Variants in CDH13 observed in about 807,000 individuals in gnomAD.
The protein encoded by CDH13 is cadherin-13.
CDH13 carries 24 observed loss-of-function variants against 63.8 expected under a neutral mutation model. That is an observed-to-expected ratio of 0.38 (90% CI 0.27 to 0.53). CDH13 has a LOEUF of 0.53. Among genes scored for constraint, CDH13 ranks in the 20% least tolerant of loss-of-function variants. The pLI is 0.85. For missense variants in CDH13, 1,049 were observed against 903.1 expected (o/e 1.16, Z -2.07); for synonymous variants, 503 against 355.3 (o/e 1.42, Z -4.67).
chr16:82,671,983 T>G (rs1481543640), intron 1 of CDH13, among the ~76,000 whole-genome samples: 2 of 152,150 alleles, frequency 1.3e-5, no homozygotes, highest in Non-Finnish European at 2.9e-5. Context: ...GCCCTGAGAC[T>G]ATCACCTGCT....
rs565860808 is a variant in CDH13 at position 83,708,885 on chromosome 16, G to T, written c.1538+30424G>T. On this transcript the variant is annotated intron_variant, in intron 10 of 13. Coordinates refer to ENST00000567109, the MANE Select transcript of CDH13 (RefSeq NM_001257.5). ...CTAAAAATACAAAAATTAGCTGAGT[G>T]TGGTGGCATACACCTGTAGTTTCTG... Among the ~76,000 whole-genome samples, 4 of 152,152 alleles carry T rather than the reference G, an allele frequency of 2.6e-5. No individual in the cohort carries two copies. The South Asian group carries it at 6.2e-4, about 24-fold the overall frequency.
chr16:83,147,084 T>C (rs1177256602), intron 4 of CDH13, among the ~76,000 whole-genome samples: 1 of 151,706 alleles, frequency 6.6e-6, no homozygotes, highest in African/African-American at 2.4e-5. Flanking sequence ...TGAGACTCCA[T>C]CTTAAAAAAA....
chr16:83,130,313 G>C (rs757547214), intron 4 of CDH13, among the ~76,000 whole-genome samples: 1 of 152,204 alleles, frequency 6.6e-6, no homozygotes, highest in Non-Finnish European at 1.5e-5. Flanking sequence ...CACACAGCTA[G>C]TTCATAACAG....
chr16:82,735,701 G>A (rs571323247), intron 1 of CDH13, among the ~76,000 whole-genome samples: 16 of 152,324 alleles, frequency 1.1e-4, no homozygotes, highest in African/African-American at 3.6e-4. Context: ...ATCCCACTGT[G>A]ATCTGAGGAA....
intron 1 of CDH13, among the ~76,000 whole-genome samples, chr16:82,804,745 AG>A (rs1295484816): frequency 6.6e-6 from 1 of 152,214 alleles, no homozygotes; most frequent in African/African-American, 2.4e-5. Flanking sequence ...TTCCCCAAAT[AG>A]GTATCTCACA....
chr16:82,808,791 C>A (rs943280387), intron 1 of CDH13, among the ~76,000 whole-genome samples: 2 of 152,094 alleles, frequency 1.3e-5, no homozygotes, highest in Admixed American at 1.3e-4. Context: ...CAAACTTACC[C>A]AGTTATTCAT....
At chr16:83,511,039 T>C (rs1053486493) in intron 7 of CDH13, among the ~76,000 whole-genome samples, 12 of 147,946 alleles carry the variant, frequency 8.1e-5, no homozygotes, top group African/African-American at 3.0e-4. Flanking sequence ...CACGCACGCA[T>C]GCACACGTGT....
intron 1 of CDH13, among the ~76,000 whole-genome samples, chr16:82,700,951 A>ACCACCCC (rs1567641690): frequency 1.4e-4 from 2 of 13,804 alleles, no homozygotes; most frequent in Non-Finnish European, 2.1e-4. Flanking sequence ...AAGTGCTGGA[A>ACCACCCC]CCCGCCCCCC....
chr16:83,153,252 C>T (rs1377837973), intron 4 of CDH13, among the ~76,000 whole-genome samples: 1 of 151,672 alleles, frequency 6.6e-6, no homozygotes, highest in African/African-American at 2.4e-5. Context: ...CATGGGGTGT[C>T]ATGTTCTTCT....
chr16:83,480,988 C>T (rs1314183552), intron 6 of CDH13, among the ~76,000 whole-genome samples: 1 of 152,214 alleles, frequency 6.6e-6, no homozygotes, highest in African/African-American at 2.4e-5. Flanking sequence ...ACCACATTCT[C>T]CTTTTGAAGC....
chr16:82,987,030 A>G (rs1473279843), intron 2 of CDH13, among the ~76,000 whole-genome samples: 1 of 152,168 alleles, frequency 6.6e-6, no homozygotes, highest in South Asian at 2.1e-4. Flanking sequence ...TTCAGGGACA[A>G]AAAGCATTCA....
intron 1 of CDH13, among the ~76,000 whole-genome samples, chr16:82,711,162 T>G (rs971821602): frequency 2.0e-5 from 3 of 152,146 alleles, no homozygotes; most frequent in Non-Finnish European, 2.9e-5. Flanking sequence ...CGCGTGGCAG[T>G]GACCGCAGTG....
chr16:83,037,355 C>T (rs1248532210), intron 3 of CDH13, among the ~76,000 whole-genome samples: 1 of 152,158 alleles, frequency 6.6e-6, no homozygotes, highest in Non-Finnish European at 1.5e-5. Flanking sequence ...TGCCTAAATA[C>T]CCATTCTCCT....
chr16:82,654,481 T>G (rs1448013031), intron 1 of CDH13, among the ~76,000 whole-genome samples: 5 of 152,186 alleles, frequency 3.3e-5, no homozygotes, highest in Non-Finnish European at 5.9e-5. Context: ...AAATGAAGAT[T>G]TAGATAAAGG....
chr16:83,501,777 T>C (rs774854688), intron 7 of CDH13, among the ~76,000 whole-genome samples: 7 of 152,220 alleles, frequency 4.6e-5, no homozygotes, highest in African/African-American at 1.7e-4. Context: ...ACGGGACATA[T>C]TGATGGAAAA....
chr16:83,629,568 C>T (rs1255633108), intron 8 of CDH13, among the ~76,000 whole-genome samples: 1 of 152,206 alleles, frequency 6.6e-6, no homozygotes, highest in East Asian at 1.9e-4. Flanking sequence ...GCCAAGCCAT[C>T]ATCTAAATTC....
chr16:82,730,826 G>A (rs1234860505), intron 1 of CDH13, among the ~76,000 whole-genome samples: 1 of 152,076 alleles, frequency 6.6e-6, no homozygotes, highest in African/African-American at 2.4e-5. Flanking sequence ...GTCCAGCCCA[G>A]ATTTGTTACA....
At position 83,664,509 on chromosome 16, in the gene CDH13, TA is replaced by T. The variant is rs1410674723; in HGVS notation, c.1102-6279del. Among the ~76,000 whole-genome samples, 3 of 149,494 alleles carry T rather than the reference TA, an allele frequency of 2.0e-5. No individual in the cohort carries two copies. In the Admixed American group the frequency reaches 2.0e-4, roughly 10 times the overall value. ...ATATATATCTTATGTATATTTTATA[TA>T]ATTAGTTTTTATTTTTATATTATAT... is the stretch of plus-strand genomic sequence containing the variant. On this transcript the variant is annotated intron_variant, in intron 8 of 13. Coordinates refer to ENST00000567109, the MANE Select transcript of CDH13 (RefSeq NM_001257.5).
intron 1 of CDH13, among the ~76,000 whole-genome samples, chr16:82,741,190 G>A (rs2033914120): frequency 6.6e-6 from 1 of 152,122 alleles, no homozygotes; most frequent in Admixed American, 6.5e-5. Context: ...TGTTGCCATT[G>A]ATATAGCTCA....
Sources: allele counts gnomAD v4.1 joint callset (sites outside exome capture counted in the v4.1 genomes callset), GRCh38; gene constraint gnomAD v4.1.1; transcripts MANE v1.5; gene names NCBI Gene and HGNC (gene_info 2026-07-23, HGNC 2026-07-21).